ATP6V1D: variants seen among roughly 807,000 people sequenced by gnomAD.
ATP6V1D encodes ATPase H+ transporting V1 subunit D.
In ATP6V1D, 20 loss-of-function variants were observed where a neutral mutation model predicts 39.4. That is an observed-to-expected ratio of 0.51 (90% CI 0.36 to 0.74). The LOEUF (loss-of-function observed/expected upper bound fraction) is 0.74. Among genes scored for constraint, ATP6V1D ranks in the 30% least tolerant of loss-of-function variants. The probability of loss-of-function intolerance (pLI) is 0.00; values close to 1 mark genes in which losing one functional copy is unlikely to be tolerated. For missense variants in ATP6V1D, 228 were observed against 291.6 expected (o/e 0.78, Z 1.59); for synonymous variants, 100 against 100.5 (o/e 0.99, Z 0.03).
At chr14:67,355,449 CAAAAAAAAAAAAAA>C (rs564931669) in intron 1 of ATP6V1D, among the ~76,000 whole-genome samples, 37 of 18,960 alleles carry the variant, frequency 2.0e-3, no homozygotes, top group Admixed American at 7.1e-3. Context: ...GACCCTGTCT[CAAAAAAAAAAAAAA>C]AAAAAAAAAA....
intron 7 of ATP6V1D, among the ~76,000 whole-genome samples, chr14:67,341,511 T>TG (rs1249278672): frequency 4.5e-4 from 56 of 123,852 alleles, no homozygotes; most frequent in East Asian, 1.5e-3. Flanking sequence ...GGGAGGGAGG[T>TG]GGGGGGGGTC....
At chr14:67,351,812 C>A (rs2085655465) in intron 2 of ATP6V1D, among the ~76,000 whole-genome samples, 1 of 150,476 alleles carries the variant, frequency 6.6e-6, no homozygotes, top group Admixed American at 6.7e-5. Context: ...TGAGTCACCA[C>A]ACCTAGTATT....
At chr14:67,342,471 A>C (rs2085592459) in intron 7 of ATP6V1D, among the ~76,000 whole-genome samples, 1 of 150,784 alleles carries the variant, frequency 6.6e-6, no homozygotes, top group South Asian at 2.1e-4. Flanking sequence ...TGCTCGATTG[A>C]GTTTACGTCA....
chr14:67,338,462 A>G lies in ATP6V1D; in HGVS notation c.*159T>C. 1.3e-6 allele frequency: 1 copy of G among 766,152 alleles called. No homozygotes were observed. Among genetic ancestry groups the G allele is most frequent in the Non-Finnish European group, 2.0e-6 (1 of 491,622 alleles). 47.5% of individuals were successfully genotyped at this position (766,152 alleles called of 1,614,324 possible). A position where few individuals can be genotyped will look rare whatever the true frequency, so the allele number is the denominator to read the frequency against. ...CATGATAAATGGTTGCTAAATTATG[A>G]TTCTGCAAAAGTAATCCCATAAATA... On this transcript the variant is annotated 3_prime_UTR_variant, in exon 9 of 9. Transcript: ENST00000216442.
intron 8 of ATP6V1D, among the ~76,000 whole-genome samples, chr14:67,339,606 T>C (rs1461472965): frequency 6.6e-6 from 1 of 152,210 alleles, no homozygotes; most frequent in Non-Finnish European, 1.5e-5. Context: ...AACCAATTCA[T>C]GGACATGCAT....
intron 1 of ATP6V1D, among the ~76,000 whole-genome samples, chr14:67,356,054 A>G (rs1353477484): frequency 3.3e-5 from 5 of 152,168 alleles, no homozygotes; most frequent in Non-Finnish European, 7.4e-5. Flanking sequence ...ACCTAGACAC[A>G]GTATAACCTA....
rs1366148258 is a variant in ATP6V1D at position 67,343,393 on chromosome 14, G to A, written c.502C>T (p.Arg168Cys). 1.9e-6 allele frequency: 3 copies of A among 1,611,992 alleles called. No individual in the cohort carries two copies. The highest frequency in any genetic ancestry group is 1.7e-5 in the Admixed American group (1 of 59,950). Reference protein sequence around the residue: ...LDEAIKITNRRVNAIEHVIIP... With the variant: ...LDEAIKITNRCVNAIEHVIIP... ...TCACCATGTTCAATGGCATTTACAC[G>A]CCTGTTGGTTATCTTAATAGCTTCA... is the stretch of plus-strand genomic sequence containing the variant. The change falls in exon 7 of 9, where the codon CGT (arginine) becomes TGT (cysteine). Residue 168 changes from arginine to cysteine, a missense_variant. Physicochemically the swap from Arg to Cys is radical, Grantham distance 180 (BLOSUM62 -3). Transcript: ENST00000216442.
chr14:67,340,412 T>G (rs1228804184), intron 8 of ATP6V1D, 28 bp downstream of exon 8: 53 of 1,592,314 alleles, frequency 3.3e-5, no homozygotes, highest in Non-Finnish European at 4.6e-5. Flanking sequence ...AAACAAAAGA[T>G]GATCAATAAC....
At chr14:67,344,667 C>A (rs548082365) in intron 6 of ATP6V1D, among the ~76,000 whole-genome samples, 1 of 151,870 alleles carries the variant, frequency 6.6e-6, no homozygotes, top group South Asian at 2.1e-4. Context: ...TTTCTTGAGG[C>A]CAGGAGTTTG....
intron 1 of ATP6V1D, among the ~76,000 whole-genome samples, chr14:67,355,323 TC>T (rs2085678111): frequency 6.6e-6 from 1 of 151,506 alleles, no homozygotes; most frequent in Non-Finnish European, 1.5e-5. Flanking sequence ...TTTTTCCCCA[TC>T]AGAAGCCCCA....
chr14:67,349,946 A>C (rs1411616890), intron 3 of ATP6V1D, among the ~76,000 whole-genome samples: 3 of 152,170 alleles, frequency 2.0e-5, no homozygotes, highest in Non-Finnish European at 4.4e-5. Context: ...TAAAATCAGA[A>C]ACCTTGAAAA....
At position 67,343,587 on chromosome 14, in the gene ATP6V1D, T is replaced by C. The variant is rs2141096247; in HGVS notation, c.457-149A>G. On this transcript the variant is annotated intron_variant, in intron 6 of 8. Transcript: ENST00000216442. ...TGCTTAAAAAACAAAATTCTTAGGC[T>C]GGGCGCATGGCTCACGCCTATAACC... 6.5e-6 allele frequency: 4 copies of C among 613,488 alleles called. No homozygotes were observed. In the East Asian group the frequency reaches 1.1e-4, roughly 17 times the overall value. 38.0% of individuals were successfully genotyped at this position (613,488 alleles called of 1,614,324 possible). A position where few individuals can be genotyped will look rare whatever the true frequency, so the allele number is the denominator to read the frequency against.
Position 67,353,000 on chromosome 14 carries a change from T to A in ATP6V1D, c.82A>T (p.Thr28Ser), listed in dbSNP as rs760322362. ...TTTTTCTTCAGGAGGTTTCGACCTG[T>A]CTGTGCTCCCTTTAAACGAGCCTTC... is the stretch of plus-strand genomic sequence containing the variant. Reference protein sequence around the residue: ...IMKARLKGAQTGRNLLKKKSD... With the variant: ...IMKARLKGAQSGRNLLKKKSD... Residue 28 changes from threonine (T) to serine (S), a missense_variant, in exon 2 of 9, where the codon ACA (threonine) becomes TCA (serine). Physicochemically the swap from Thr to Ser is moderately conservative, Grantham distance 58. Coordinates refer to ENST00000216442, the MANE Select transcript of ATP6V1D (RefSeq NM_015994.4). The A allele has an allele frequency of 2.5e-6, 4 of 1,614,114 alleles. No individual in the cohort carries two copies. The Admixed American group carries it at 6.7e-5, about 27-fold the overall frequency.
intron 3 of ATP6V1D, among the ~76,000 whole-genome samples, chr14:67,350,066 T>A (rs542638406): frequency 2.0e-5 from 3 of 152,386 alleles, no homozygotes; most frequent in Admixed American, 6.5e-5. Context: ...TTTGGAGAAT[T>A]ACATAACATA....
intron 1 of ATP6V1D, among the ~76,000 whole-genome samples, chr14:67,357,076 T>C (rs2085690236): frequency 6.6e-6 from 1 of 152,236 alleles, no homozygotes; most frequent in Non-Finnish European, 1.5e-5. Context: ...GCGTGCACAC[T>C]TACAGCTAAT....
At chr14:67,341,727 T>C (rs1287636871) in intron 7 of ATP6V1D, among the ~76,000 whole-genome samples, 1 of 152,044 alleles carries the variant, frequency 6.6e-6, no homozygotes, top group African/African-American at 2.4e-5. Flanking sequence ...ACAATGGCGG[T>C]TTTGTGGAAT....
intron 7 of ATP6V1D, among the ~76,000 whole-genome samples, chr14:67,341,339 G>A (rs1264105864): frequency 6.6e-6 from 1 of 151,902 alleles, no homozygotes; most frequent in African/African-American, 2.4e-5. Flanking sequence ...TCTGAGAAGT[G>A]AGGAGACCCT....
intron 1 of ATP6V1D, among the ~76,000 whole-genome samples, chr14:67,353,479 T>TTTGTTG (rs375450609): frequency 3.3e-5 from 5 of 151,716 alleles, no homozygotes; most frequent in Non-Finnish European, 5.9e-5. Context: ...CAAGACTCCT[T>TTTGTTG]TTGTTGTTGT....
At position 67,359,740 on chromosome 14, in the gene ATP6V1D, C is replaced by T. The variant is rs762005643; in HGVS notation, c.-42G>A. ...CGGCTCGGGTCCCCGGCCGGGCAAC[C>T]GAGGCTGCAATAGCTCCAGAACTGG... On this transcript the variant is annotated 5_prime_UTR_variant, in exon 1 of 9. Coordinates refer to ENST00000216442, the MANE Select transcript of ATP6V1D (RefSeq NM_015994.4). 2 of 1,612,500 alleles carry T rather than the reference C, an allele frequency of 1.2e-6. No individual in the cohort carries two copies. The highest frequency in any genetic ancestry group is 3.3e-5 in the Admixed American group (2 of 60,012).
Sources: allele counts gnomAD v4.1 joint callset (sites outside exome capture counted in the v4.1 genomes callset), GRCh38; gene constraint gnomAD v4.1.1; transcripts MANE v1.5; gene names NCBI Gene and HGNC (gene_info 2026-07-23, HGNC 2026-07-21).